STIMATE: variants seen among roughly 807,000 people sequenced by gnomAD.
The protein encoded by STIMATE is store-operated calcium entry regulator STIMATE.
Under a neutral mutation model 36.7 loss-of-function variants are expected in STIMATE, and 15 were observed. That is an observed-to-expected ratio of 0.41 (90% CI 0.27 to 0.63). The LOEUF (loss-of-function observed/expected upper bound fraction) is 0.63. Ranked by LOEUF, STIMATE falls within the 20% of genes least tolerant of loss-of-function variation. STIMATE has a pLI of 0.32. For synonymous variants in STIMATE, 163 were observed against 162.3 expected (o/e 1.00, Z -0.03); for missense variants, 305 against 397.3 (o/e 0.77, Z 1.98).
chr3:52,861,844 C>G (rs1161032904), intron 1 of STIMATE, among the ~76,000 whole-genome samples: 3 of 152,202 alleles, frequency 2.0e-5, no homozygotes, highest in African/African-American at 7.2e-5. Flanking sequence ...TCCTAGGAGG[C>G]TTCTATGATT....
intron 1 of STIMATE, among the ~76,000 whole-genome samples, chr3:52,895,708 G>C (rs925823479): frequency 2.0e-5 from 3 of 152,184 alleles, no homozygotes; most frequent in African/African-American, 7.2e-5. Flanking sequence ...TCAAACCCTA[G>C]GGGACAAGCC....
rs150717335 is a variant in STIMATE at position 52,888,568 on chromosome 3, C to T, written c.160+8723G>A. Among the ~76,000 whole-genome samples the T allele has an allele frequency of 3.3e-3, 510 of 152,286 alleles. 5 individuals are homozygous for T. Among genetic ancestry groups the T allele is most frequent in the African/African-American group, 0.012 (494 of 41,546 alleles). On this transcript the variant is annotated intron_variant, in intron 1 of 7. Transcript: ENST00000355083. Reference sequence around the variant, plus strand: ...CCTATAGGACAGTGTCTTATGCTCACGTCATTTAAATGCACTGTTACTACC... The same window carrying T: ...CCTATAGGACAGTGTCTTATGCTCATGTCATTTAAATGCACTGTTACTACC...
chr3:52,873,918 C>A (rs1428076405), intron 1 of STIMATE, among the ~76,000 whole-genome samples: 1 of 152,208 alleles, frequency 6.6e-6, no homozygotes, highest in Non-Finnish European at 1.5e-5. Context: ...CAAATAAATT[C>A]AGGAATTTCA....
chr3:52,872,052 G>C (rs1701417326), intron 1 of STIMATE, among the ~76,000 whole-genome samples: 1 of 152,128 alleles, frequency 6.6e-6, no homozygotes, highest in Non-Finnish European at 1.5e-5. Context: ...GCTTCTTTTT[G>C]TTCCTGTCTC....
intron 1 of STIMATE, among the ~76,000 whole-genome samples, chr3:52,869,304 C>T (rs569180965): frequency 5.3e-5 from 8 of 152,360 alleles, no homozygotes; most frequent in Non-Finnish European, 7.3e-5. Context: ...GGCCTAAAAC[C>T]CTCCAGTGCC....
At chr3:52,843,274 CAG>C (rs1700835010) in intron 6 of STIMATE, 3 of 426,550 alleles carry the variant, frequency 7.0e-6, no homozygotes, top group Admixed American at 3.7e-5. Flanking sequence ...CCCCTCCCCA[CAG>C]ACTCCATGTG....
chr3:52,886,071 C>T (rs1442315797), intron 1 of STIMATE, among the ~76,000 whole-genome samples: 1 of 151,996 alleles, frequency 6.6e-6, no homozygotes, highest in Non-Finnish European at 1.5e-5. Context: ...CAGGACAAGG[C>T]CCATGGACTC....
chr3:52,843,178 G>T, intron 6 of STIMATE: 1 of 899,358 alleles, frequency 1.1e-6, no homozygotes, highest in Non-Finnish European at 1.6e-6. Flanking sequence ...TGCAAGGAAC[G>T]TGCCCTGACG....
chr3:52,862,666 C>G (rs1342165873), intron 1 of STIMATE, among the ~76,000 whole-genome samples: 1 of 151,784 alleles, frequency 6.6e-6, no homozygotes, highest in African/African-American at 2.4e-5. Context: ...GTGAGTTTTC[C>G]CCTCAAAATC....
intron 1 of STIMATE, among the ~76,000 whole-genome samples, chr3:52,889,296 C>T (rs1701743134): frequency 6.6e-6 from 1 of 152,224 alleles, no homozygotes; most frequent in South Asian, 2.1e-4. Flanking sequence ...CAACCATGCT[C>T]AGTGGGCGAC....
chr3:52,871,094 A>G (rs912629841), intron 1 of STIMATE, among the ~76,000 whole-genome samples: 1 of 152,032 alleles, frequency 6.6e-6, no homozygotes, highest in African/African-American at 2.4e-5. Context: ...TCAATCAAGT[A>G]CCGCCACCTC....
At chr3:52,871,287 A>G (rs954864858) in intron 1 of STIMATE, among the ~76,000 whole-genome samples, 7 of 152,130 alleles carry the variant, frequency 4.6e-5, no homozygotes, top group African/African-American at 1.7e-4. Flanking sequence ...CCCGTCAAGA[A>G]GGCCACAGGA....
At chr3:52,877,595 C>A (rs779021167) in intron 1 of STIMATE, among the ~76,000 whole-genome samples, 14 of 152,160 alleles carry the variant, frequency 9.2e-5, no homozygotes, top group Non-Finnish European at 1.6e-4. Flanking sequence ...CCCTCCAGTT[C>A]GACCTGTACA....
At chr3:52,849,722 C>T (rs1049829751) in intron 4 of STIMATE, 70 bp downstream of exon 4, 54 of 1,541,124 alleles carry the variant, frequency 3.5e-5, no homozygotes, top group Non-Finnish European at 2.9e-5. Flanking sequence ...GCCTGGTGGG[C>T]CGCATGGGGC....
Position 52,889,649 on chromosome 3 carries a change from G to A in STIMATE, c.160+7642C>T, listed in dbSNP as rs145516201. Among the ~76,000 whole-genome samples, 514 of 152,272 alleles carry A rather than the reference G, an allele frequency of 3.4e-3. 5 individuals carry two copies. The highest frequency in any genetic ancestry group is 0.011 in the African/African-American group (466 of 41,564). On this transcript the variant is annotated intron_variant, in intron 1 of 7. Coordinates refer to ENST00000355083, the MANE Select transcript of STIMATE (RefSeq NM_198563.5). Reference sequence around the variant, plus strand: ...GCCCAAGCCTGGGTGAGCACGGCACGTCTGTCCACATCACTGTCTAGCTCA... The same window carrying A: ...GCCCAAGCCTGGGTGAGCACGGCACATCTGTCCACATCACTGTCTAGCTCA...
In STIMATE at chr3:52,845,544, G is replaced by A. The variant is rs1472693594; in HGVS notation, c.428-603C>T. Among the ~76,000 whole-genome samples the A allele has an allele frequency of 2.0e-5, 3 of 152,206 alleles. No homozygotes were observed. The East Asian group carries it at 5.8e-4, about 29-fold the overall frequency. On this transcript the variant is annotated intron_variant, in intron 4 of 7. Transcript: ENST00000355083. Reference sequence around the variant, plus strand: ...TGGGTCACCCCAAACACCTTGGCCAGGGACAAGGAAGTGAAGAGAGAAGTC... The same window carrying A: ...TGGGTCACCCCAAACACCTTGGCCAAGGACAAGGAAGTGAAGAGAGAAGTC...
rs1338779691 is a variant in STIMATE at position 52,864,215 on chromosome 3, A to C, written c.161-8771T>G. On this transcript the variant is annotated intron_variant, in intron 1 of 7. Coordinates refer to ENST00000355083, the MANE Select transcript of STIMATE (RefSeq NM_198563.5). ...AGCAAACTTCTGCCTGGGCATCCAG[A>C]TATTTCCATACATGTTCTGAAATCT... 1.3e-5 allele frequency among the ~76,000 whole-genome samples: 2 copies of C among 152,204 alleles called. 1 individual carries two copies. The highest frequency in any genetic ancestry group is 1.3e-4 in the Admixed American group (2 of 15,282).
intron 1 of STIMATE, among the ~76,000 whole-genome samples, chr3:52,877,977 C>T (rs1701530427): frequency 6.6e-6 from 1 of 151,958 alleles, no homozygotes; most frequent in Non-Finnish European, 1.5e-5. Flanking sequence ...GCCTGTAGTC[C>T]CAGCTACTCG....
chr3:52,841,962 G>A (rs1700804589), intron 7 of STIMATE, among the ~76,000 whole-genome samples: 1 of 152,190 alleles, frequency 6.6e-6, no homozygotes, highest in Non-Finnish European at 1.5e-5. Context: ...ACCTAGAGAA[G>A]ACACGGCTTC....
Sources: gnomAD v4.1 joint callset for allele counts (sites outside exome capture counted in the v4.1 genomes callset) on GRCh38, gnomAD v4.1.1 for gene constraint, MANE v1.5 for transcripts, NCBI Gene and HGNC (gene_info 2026-07-23, HGNC 2026-07-21) for gene names.